HIP1: variants seen among roughly 807,000 people sequenced by gnomAD.
HIP1 encodes the protein huntingtin interacting protein 1, also known as huntingtin-interacting protein 1.
Under a neutral mutation model 147.6 loss-of-function variants are expected in HIP1, and 65 were observed. The observed-to-expected ratio is 0.44, with a 90% CI of 0.36 to 0.54. HIP1 has a LOEUF of 0.54. Among genes scored for constraint, HIP1 ranks in the 20% least tolerant of loss-of-function variants. The pLI, the probability that HIP1 is intolerant of heterozygous loss-of-function variation, is 0.00. For missense variants in HIP1, 1,061 were observed against 1,299.6 expected (o/e 0.82, Z 2.82); for synonymous variants, 479 against 504.0 (o/e 0.95, Z 0.67).
In HIP1 at chr7:75,556,119, G is replaced by A. The variant is rs1794995467; in HGVS notation, c.1734C>T (p.Asp578=). 11 of 1,614,076 alleles carry A rather than the reference G, an allele frequency of 6.8e-6. No homozygotes were observed. Among genetic ancestry groups the A allele is most frequent in the Middle Eastern group, 1.6e-4 (1 of 6,084 alleles). ...TATGAGCTGCGCCACTCACCAGGCTGTCCCGCTCCTTCTCTAGCTCGGCGA... is the reference window on the plus strand; with the variant it reads ...TATGAGCTGCGCCACTCACCAGGCTATCCCGCTCCTTCTCTAGCTCGGCGA... ...AEFAELEKER[D]SLVSGAAHRE... The change falls in exon 18 of 31, where the codon GAC becomes GAT. Residue 578 remains aspartate, a synonymous_variant. Transcript: ENST00000336926.
At chr7:75,719,567 C>A (rs1245466513) in intron 1 of HIP1, among the ~76,000 whole-genome samples, 1 of 151,950 alleles carries the variant, frequency 6.6e-6, no homozygotes, top group African/African-American at 2.4e-5. Context: ...ACATGTCAGG[C>A]ACAATGTTGA....
At chr7:75,686,730 T>G (rs57111998) in intron 1 of HIP1, among the ~76,000 whole-genome samples, 14,968 of 152,016 alleles carry the variant, frequency 0.098, 813 homozygotes, top group East Asian at 0.14. Flanking sequence ...GGTGCAATCC[T>G]GGCTCACTGC....
intron 1 of HIP1, among the ~76,000 whole-genome samples, chr7:75,604,645 T>C (rs1554503563): frequency 6.9e-6 from 1 of 145,050 alleles, no homozygotes; most frequent in Non-Finnish European, 1.5e-5. Context: ...CTCGTCTGAA[T>C]GACAGAGCAA....
intron 7 of HIP1, among the ~76,000 whole-genome samples, chr7:75,580,597 A>G (rs1253556685): frequency 2.0e-5 from 3 of 152,076 alleles, no homozygotes; most frequent in Non-Finnish European, 4.4e-5. Context: ...AAAATCAGCC[A>G]GATGTGGTGG....
At chr7:75,616,444 AT>A (rs797039846) in intron 1 of HIP1, among the ~76,000 whole-genome samples, 2 of 151,388 alleles carry the variant, frequency 1.3e-5, no homozygotes, top group African/African-American at 2.4e-5. Flanking sequence ...TAATTAAAAA[AT>A]TTTTTTTTGT....
chr7:75,585,074 T>C (rs1554499286), intron 5 of HIP1, among the ~76,000 whole-genome samples: 1 of 152,120 alleles, frequency 6.6e-6, no homozygotes, highest in Non-Finnish European at 1.5e-5. Context: ...GGTCTCCAAC[T>C]CCTGGCCTCA....
chr7:75,573,667 T>G, intron 8 of HIP1, 94 bp downstream of exon 8: 1 of 1,312,194 alleles, frequency 7.6e-7, no homozygotes, highest in South Asian at 1.3e-5. Flanking sequence ...CCAAAGGCAC[T>G]GAGAAGGACT....
intron 11 of HIP1, among the ~76,000 whole-genome samples, chr7:75,562,494 C>T (rs587771338): frequency 1.7e-4 from 26 of 152,024 alleles, no homozygotes; most frequent in African/African-American, 5.5e-4. Flanking sequence ...ATTTTTAGGG[C>T]CTGGTTCTTG....
Position 75,720,152 on chromosome 7 carries a change from T to TTTTG in HIP1, c.120+18645_120+18648dup, listed in dbSNP as rs376148572. Among the ~76,000 whole-genome samples, 464 of 152,036 alleles carry TTTTG rather than the reference T, an allele frequency of 3.1e-3. 3 individuals are homozygous for TTTTG. Among genetic ancestry groups the TTTTG allele is most frequent in the African/African-American group, 9.1e-3 (378 of 41,468 alleles). ...TTTCAAGTTTTTTGTTTTGTTTTGTTTTTGTTTGTTTGTTTGTTTGTTTTT... is the reference window on the plus strand; with the variant it reads ...TTTCAAGTTTTTTGTTTTGTTTTGTTTTTGTTTGTTTGTTTGTTTGTTTGTTTTT... On this transcript the variant is annotated intron_variant, in intron 1 of 30. Transcript: ENST00000336926.
At chr7:75,719,644 C>T (rs1222201577) in intron 1 of HIP1, among the ~76,000 whole-genome samples, 1 of 152,120 alleles carries the variant, frequency 6.6e-6, no homozygotes, top group Non-Finnish European at 1.5e-5. Context: ...TGGTGTCGAA[C>T]TCCTGGGCTC....
At chr7:75,608,186 T>C (rs782235598) in intron 1 of HIP1, among the ~76,000 whole-genome samples, 1 of 152,068 alleles carries the variant, frequency 6.6e-6, no homozygotes, top group Non-Finnish European at 1.5e-5. Flanking sequence ...TGGGCACCTG[T>C]AATCCCAGCT....
chr7:75,544,881 A>T, intron 26 of HIP1, 81 bp from the exon 27 acceptor site: 1 of 938,782 alleles, frequency 1.1e-6, no homozygotes, highest in Non-Finnish European at 1.7e-6. Context: ...AGACCACCCC[A>T]TCGCCCTTGG....
At chr7:75,737,751 G>A (rs1193478587) in intron 1 of HIP1, among the ~76,000 whole-genome samples, 2 of 151,886 alleles carry the variant, frequency 1.3e-5, no homozygotes, top group Admixed American at 6.6e-5. Context: ...CTGTGTTTGG[G>A]GGAAGTATTC....
At chr7:75,601,175 C>G (rs1584863131) in intron 1 of HIP1, among the ~76,000 whole-genome samples, 1 of 152,018 alleles carries the variant, frequency 6.6e-6, no homozygotes, top group African/African-American at 2.4e-5. Flanking sequence ...GATACAATGT[C>G]TAAGATTTAC....
intron 1 of HIP1, among the ~76,000 whole-genome samples, chr7:75,603,549 T>A (rs587695404): frequency 6.6e-6 from 1 of 152,046 alleles, no homozygotes; most frequent in Non-Finnish European, 1.5e-5. Context: ...CAGCACATGA[T>A]TTGGGGCTCT....
chr7:75,594,803 CAT>C (rs1796629991), intron 2 of HIP1, among the ~76,000 whole-genome samples: 1 of 152,164 alleles, frequency 6.6e-6, no homozygotes, highest in Non-Finnish European at 1.5e-5. Context: ...TCTGGCCTCA[CAT>C]GATTTTAAGT....
intron 21 of HIP1, 122 bp from the exon 22 acceptor site, chr7:75,553,711 T>C (rs1290895335): frequency 1.1e-6 from 1 of 882,994 alleles, no homozygotes; most frequent in African/African-American, 1.7e-5. Context: ...GTTCAAGCGA[T>C]TCTCCTGCCT....
At chr7:75,594,576 C>T (rs1282407365) in intron 2 of HIP1, among the ~76,000 whole-genome samples, 2 of 152,004 alleles carry the variant, frequency 1.3e-5, no homozygotes, top group African/African-American at 2.4e-5. Flanking sequence ...GAGATCAAGA[C>T]CAGCCTGGCC....
chr7:75,578,477 A>G (rs1343843180), intron 7 of HIP1, among the ~76,000 whole-genome samples: 1 of 152,102 alleles, frequency 6.6e-6, no homozygotes, highest in African/African-American at 2.4e-5. Context: ...GGAGTTTGAG[A>G]CCAGCCTGGG....
Sources: allele counts gnomAD v4.1 joint callset (sites outside exome capture counted in the v4.1 genomes callset), GRCh38; gene constraint gnomAD v4.1.1; transcripts MANE v1.5; gene names NCBI Gene and HGNC (gene_info 2026-07-23, HGNC 2026-07-21).